PP2D1: variants seen among roughly 807,000 people sequenced by gnomAD.
PP2D1 encodes the protein protein phosphatase 2C like domain containing 1.
A neutral mutation model predicts 30.2 loss-of-function variants in PP2D1; 25 were observed. The ratio of observed to expected loss-of-function variants is 0.83; its 90% CI spans 0.60 to 1.16. The LOEUF (loss-of-function observed/expected upper bound fraction) is 1.16. Ranked by LOEUF, PP2D1 falls within the 50% of genes most tolerant of loss-of-function variation. PP2D1 has a pLI of 0.00. For missense variants in PP2D1, 760 were observed against 742.4 expected, an observed-to-expected ratio of 1.02 and a Z score of -0.28; for synonymous variants, 260 against 258.9, an observed-to-expected ratio of 1.00 and a Z score of -0.04.
intron 2 of PP2D1, among the ~76,000 whole-genome samples, chr3:19,995,225 A>G (rs1193192507): frequency 6.6e-6 from 1 of 152,236 alleles, no homozygotes; most frequent in African/African-American, 2.4e-5. Context: ...TGGCAAAAAA[A>G]AAAGTTTTTG....
At chr3:19,992,655 G>A (rs767480437) in intron 2 of PP2D1, among the ~76,000 whole-genome samples, 31 of 152,156 alleles carry the variant, frequency 2.0e-4, no homozygotes, top group Admixed American at 3.3e-4. Context: ...ACAGGAGAAA[G>A]CTAGTACTGT....
chr3:20,007,384 CTG>C (rs1046325586), intron 1 of PP2D1, among the ~76,000 whole-genome samples: 18 of 151,914 alleles, frequency 1.2e-4, no homozygotes, highest in African/African-American at 4.1e-4. Flanking sequence ...AGGACTGACT[CTG>C]TTGTGAAAAA....
At position 20,001,415 on chromosome 3, in the gene PP2D1, A is replaced by T; in HGVS notation, c.705T>A (p.Asp235Glu). ...CATCAGTTGTCATTTGGTAAGAAGG[A>T]TCAAATTTGGAAAGCTGATGGAGAA... ...VLLLHQLSKF[D>E]PSYQMTTDEQ... The change falls in exon 2 of 3, where the codon GAT becomes GAA. Residue 235 changes from aspartate (D) to glutamate (E), a missense_variant. Coordinates refer to ENST00000389050, the MANE Select transcript of PP2D1 (RefSeq NM_001252657.2). 1 of 1,536,646 alleles carries T rather than the reference A, an allele frequency of 6.5e-7. No homozygotes were observed. The highest frequency in any genetic ancestry group is 8.7e-7 in the Non-Finnish European group (1 of 1,147,012).
downstream of PP2D1, chr3:19,983,575 G>A (rs2125134976): frequency 1.5e-6 from 1 of 661,378 alleles, no homozygotes; most frequent in South Asian, 1.9e-5. Flanking sequence ...GTAAACATTT[G>A]AAAAGAATGA....
chr3:19,989,188 C>T (rs1227972727), intron 2 of PP2D1, among the ~76,000 whole-genome samples: 8 of 151,956 alleles, frequency 5.3e-5, no homozygotes, highest in African/African-American at 1.9e-4. Flanking sequence ...AAAAATTAGC[C>T]GGGCGTGATG....
chr3:19,982,562 C>G (rs1442580894), downstream of PP2D1, among the ~76,000 whole-genome samples: 3 of 152,054 alleles, frequency 2.0e-5, no homozygotes, highest in African/African-American at 7.2e-5. Context: ...CTTTTAAAAA[C>G]TAAGCGGTCG....
downstream of PP2D1, among the ~76,000 whole-genome samples, chr3:19,983,243 C>T (rs138256212): frequency 2.8e-4 from 41 of 147,786 alleles, no homozygotes; most frequent in Non-Finnish European, 4.1e-4. Flanking sequence ...GGCCAAGGCA[C>T]GAGAATCACT....
chr3:19,991,875 C>T (rs1456472553), intron 2 of PP2D1, among the ~76,000 whole-genome samples: 2 of 152,026 alleles, frequency 1.3e-5, no homozygotes, highest in South Asian at 4.2e-4. Context: ...TAAGAAAATG[C>T]GAAGTAGAAT....
intron 2 of PP2D1, among the ~76,000 whole-genome samples, chr3:19,991,949 G>A (rs1302772229): frequency 6.6e-6 from 1 of 152,122 alleles, no homozygotes; most frequent in African/African-American, 2.4e-5. Flanking sequence ...TAGTTACTGG[G>A]GAAAGGAAAA....
At chr3:20,004,616 A>T (rs1050047350) in intron 1 of PP2D1, among the ~76,000 whole-genome samples, 2 of 152,218 alleles carry the variant, frequency 1.3e-5, no homozygotes, top group Non-Finnish European at 2.9e-5. Flanking sequence ...GTAGAGCTGG[A>T]TGATATATTT....
At chr3:19,982,604 C>G (rs902117020), downstream of PP2D1, among the ~76,000 whole-genome samples, 1 of 152,010 alleles carries the variant, frequency 6.6e-6, no homozygotes, top group African/African-American at 2.4e-5. Context: ...AGTCCCAGCA[C>G]GTGGGAGTCT....
intron 2 of PP2D1, among the ~76,000 whole-genome samples, chr3:19,995,625 C>A (rs12497083): frequency 0.14 from 21,314 of 152,148 alleles, 1,833 homozygotes; most frequent in Non-Finnish European, 0.2. Context: ...AAAATAACAC[C>A]CACGATAAGT....
chr3:20,009,199 C>T (rs114497576), intron 1 of PP2D1, among the ~76,000 whole-genome samples: 6 of 152,246 alleles, frequency 3.9e-5, no homozygotes, highest in African/African-American at 1.4e-4. Flanking sequence ...CAGTGGCTCA[C>T]ACCTGTAGTC....
intron 2 of PP2D1, among the ~76,000 whole-genome samples, chr3:19,990,344 C>T (rs1486928658): frequency 6.6e-6 from 1 of 152,132 alleles, no homozygotes; most frequent in Non-Finnish European, 1.5e-5. Context: ...CAGGCTTTCG[C>T]TATGTTGCCC....
At chr3:20,011,916 A>G in intron 1 of PP2D1, 134 bp downstream of exon 1, 1 of 602,326 alleles carries the variant, frequency 1.7e-6, no homozygotes, top group South Asian at 2.4e-5. Context: ...GGGATATATC[A>G]CTCTTCAATG....
intron 2 of PP2D1, among the ~76,000 whole-genome samples, chr3:19,997,501 A>G (rs1697197082): frequency 6.6e-6 from 1 of 152,198 alleles, no homozygotes; most frequent in Admixed American, 6.5e-5. Context: ...TGTTTGAGTC[A>G]TGGGGAGCAG....
chr3:19,998,022 C>G (rs1414953643), intron 2 of PP2D1, among the ~76,000 whole-genome samples: 1 of 152,074 alleles, frequency 6.6e-6, no homozygotes, highest in African/African-American at 2.4e-5. Context: ...TGTTGAAACT[C>G]TGTCTCTACT....
At chr3:19,998,007 C>G (rs1189477594) in intron 2 of PP2D1, among the ~76,000 whole-genome samples, 2 of 151,910 alleles carry the variant, frequency 1.3e-5, no homozygotes, top group East Asian at 3.9e-4. Context: ...CCAGGCTGAC[C>G]AACATGTTGA....
chr3:20,008,503 G>A (rs1013407853), intron 1 of PP2D1, among the ~76,000 whole-genome samples: 1 of 152,068 alleles, frequency 6.6e-6, no homozygotes, highest in South Asian at 2.1e-4. Context: ...GGAGGTGGAG[G>A]TTGCAGGGAG....
Sources: gnomAD v4.1 joint callset for allele counts (sites outside exome capture counted in the v4.1 genomes callset) on GRCh38, gnomAD v4.1.1 for gene constraint, MANE v1.5 for transcripts, NCBI Gene and HGNC (gene_info 2026-07-23, HGNC 2026-07-21) for gene names.